Variants in MCF2L observed in about 807,000 individuals in gnomAD.
The protein encoded by MCF2L is guanine nucleotide exchange factor DBS.
A neutral mutation model predicts 153.4 loss-of-function variants in MCF2L; 97 were observed. The observed-to-expected ratio is 0.63, with a 90% CI of 0.54 to 0.75. The LOEUF (loss-of-function observed/expected upper bound fraction) is 0.75. MCF2L is among the 30% of genes least tolerant of loss of function. The pLI is 0.00. For synonymous variants in MCF2L, 659 were observed against 632.2 expected (o/e 1.04, Z -0.64); for missense variants, 1,347 against 1,495.2 (o/e 0.90, Z 1.64).
chr13:112,934,715 G>A (rs187982351), intron 2 of MCF2L, among the ~76,000 whole-genome samples: 1 of 152,332 alleles, frequency 6.6e-6, no homozygotes, highest in East Asian at 1.9e-4. Context: ...CGTGTGCTGG[G>A]GCTGTGTGCC....
chr13:113,030,737 G>A (rs775698615), intron 3 of MCF2L, among the ~76,000 whole-genome samples: 36 of 152,170 alleles, frequency 2.4e-4, no homozygotes, highest in Non-Finnish European at 4.0e-4. Context: ...AACCAACATC[G>A]GCCAGGCCTT....
chr13:112,973,370 T>C (rs2082116045), intron 1 of MCF2L, among the ~76,000 whole-genome samples: 1 of 152,222 alleles, frequency 6.6e-6, no homozygotes, highest in Non-Finnish European at 1.5e-5. Context: ...ATTAGATAGG[T>C]GTGACTATAA....
chr13:113,090,434 C>T (rs1364859323), intron 26 of MCF2L: 5 of 469,204 alleles, frequency 1.1e-5, no homozygotes, highest in Non-Finnish European at 1.1e-5. Context: ...CCTTCCTCTC[C>T]CTGCCCCCCA....
rs531412860 is a variant in MCF2L at position 113,077,961 on chromosome 13, G to A, written c.1661-402G>A. On this transcript the variant is annotated intron_variant, in intron 13 of 29. Transcript: ENST00000535094. ...TGCCTGTTGGGAGCTCTCCCAGGTC[G>A]GAGCCCACAGGCGCTGTGTCCCCGT... is the stretch of plus-strand genomic sequence containing the variant. Among the ~76,000 whole-genome samples the A allele has an allele frequency of 1.3e-3, 191 of 152,332 alleles. 1 individual carries two copies. The highest frequency in any genetic ancestry group is 4.5e-3 in the African/African-American group (186 of 41,576).
intron 2 of MCF2L, among the ~76,000 whole-genome samples, chr13:113,015,645 G>T (rs541842932): frequency 6.6e-6 from 1 of 152,224 alleles, no homozygotes; most frequent in Non-Finnish European, 1.5e-5. Context: ...TGCACCCCAG[G>T]CCGGGCCTTG....
intron 5 of MCF2L, among the ~76,000 whole-genome samples, chr13:113,061,996 C>A (rs1483710811): frequency 2.1e-5 from 3 of 145,604 alleles, no homozygotes; most frequent in Non-Finnish European, 4.5e-5. Context: ...GACCCTGGTG[C>A]CTGGCCTGGG....
At position 113,046,640 on chromosome 13, in the gene MCF2L, C is replaced by T. The variant is rs774339448; in HGVS notation, c.369+1279C>T. The stretch of plus-strand genomic sequence containing the variant: ...CTGCTCCGATGCCCACAACCTTCAT[C>T]GTTTTGGTGCAAGCCTGTCCCTGAG... On this transcript the variant is annotated intron_variant, in intron 4 of 29. Coordinates refer to ENST00000535094, the MANE Select transcript of MCF2L (RefSeq NM_001112732.3). This position sits in a 1 kb window ranked among gnomAD's most constrained non-coding sequence, Gnocchi z 4.4. 5 of 533,272 alleles carry T rather than the reference C, an allele frequency of 9.4e-6. No homozygotes were observed. The highest frequency in any genetic ancestry group is 3.8e-5 in the African/African-American group (2 of 51,954). The allele number at this position is 533,272 out of a possible 1,614,324, so 33.0% of individuals were successfully genotyped here.
At position 113,081,277 on chromosome 13, in the gene MCF2L, G is replaced by T; in HGVS notation, c.1873G>T (p.Glu625Ter). The T allele has an allele frequency of 6.3e-7, 1 of 1,585,438 alleles. No homozygotes were observed. Residue 625 changes from glutamate (E) to a stop codon, truncating the protein, a stop_gained and splice_region_variant, in exon 16 of 30, where the codon GAG becomes TAG. Transcript: ENST00000535094. LOFTEE classifies it high-confidence loss of function. ...CGTGGAGGAGCTGCTGTGCGTCCTGGAGGTGAGGCTGGACTCGGGGAGGGC... is the reference window on the plus strand; with the variant it reads ...CGTGGAGGAGCTGCTGTGCGTCCTGTAGGTGAGGCTGGACTCGGGGAGGGC... The part of the protein sequence containing the change: ...AYVEELLCVL[E>*]GYAAEMDNPL...
chr13:113,013,271 T>C (rs1379038941), intron 1 of MCF2L, among the ~76,000 whole-genome samples: 1 of 152,188 alleles, frequency 6.6e-6, no homozygotes, highest in Non-Finnish European at 1.5e-5. Flanking sequence ...AAAGAAGCCA[T>C]CGCCGAGACG....
At chr13:113,007,903 ATCTTT>A (rs2083814835) in intron 1 of MCF2L, among the ~76,000 whole-genome samples, 1 of 145,280 alleles carries the variant, frequency 6.9e-6, no homozygotes, top group Non-Finnish European at 1.5e-5. Context: ...TAGTATGTGT[ATCTTT>A]TCTTTTTCTT....
chr13:112,975,735 A>G (rs1188204928), intron 1 of MCF2L, among the ~76,000 whole-genome samples: 1 of 152,152 alleles, frequency 6.6e-6, no homozygotes, highest in Admixed American at 6.5e-5. Context: ...GTATGTGGGG[A>G]TTTTCCAGGT....
intron 1 of MCF2L, among the ~76,000 whole-genome samples, chr13:113,006,726 T>C (rs2141104531): frequency 6.6e-6 from 1 of 152,302 alleles, no homozygotes; most frequent in South Asian, 2.1e-4. Flanking sequence ...GTCTGGGCCC[T>C]GTGGAAATGC....
At chr13:112,923,860 G>T (rs750561046) in intron 2 of MCF2L, among the ~76,000 whole-genome samples, 3 of 152,032 alleles carry the variant, frequency 2.0e-5, no homozygotes, top group Non-Finnish European at 4.4e-5. Flanking sequence ...CTTTACTCTG[G>T]AGCAGCCCCT....
rs1431178895 is a variant in MCF2L, at chr13:113,078,424, C to T, written c.1722C>T (p.Tyr574=). 1 of 1,611,914 alleles carries T rather than the reference C, an allele frequency of 6.2e-7. No homozygotes were observed. The highest frequency in any genetic ancestry group is 2.2e-5 in the East Asian group (1 of 44,878). ...SEGGALRRGP[Y]RRAKSEMSES... ...GCGGTGCGCTCCGGAGAGGGCCCTA[C>T]CGGAGGGCCAAGGTGAGGCTTGCCC... Residue 574 remains tyrosine (Y), a synonymous_variant, in exon 14 of 30, where the codon TAC becomes TAT. Transcript: ENST00000535094.
In MCF2L at chr13:113,060,625, C is replaced by T. The variant is rs756815061; in HGVS notation, c.402C>T (p.Leu134=). ...ASFPANLQLV[L]VLRPTGFFQR... ...TCCCGGCAAACCTGCAGCTCGTCCTCGTGCTTCGCCCGACGGGTTTTTTCC... is the reference window on the plus strand; with the variant it reads ...TCCCGGCAAACCTGCAGCTCGTCCTTGTGCTTCGCCCGACGGGTTTTTTCC... The change falls in exon 5 of 30, where the codon CTC becomes CTT. Residue 134 remains leucine, a synonymous_variant. Transcript: ENST00000535094. 5 of 1,613,458 alleles carry T rather than the reference C, an allele frequency of 3.1e-6. No homozygotes were observed. The highest frequency in any genetic ancestry group is 1.6e-4 in the Middle Eastern group (1 of 6,080).
chr13:113,076,176 C>T lies in MCF2L; in HGVS notation c.1500+19C>T. 1 of 1,596,898 alleles carries T rather than the reference C, an allele frequency of 6.3e-7. No individual in the cohort carries two copies. Among genetic ancestry groups the T allele is most frequent in the Non-Finnish European group, 8.6e-7 (1 of 1,169,100 alleles). On this transcript the variant is annotated intron_variant, in intron 12 of 29. Transcript: ENST00000535094. ...TCTCATGGTAACGCTGACTCGGGCT[C>T]TCCATTTGCAGCTTGCTGTCCCGAG...
intron 26 of MCF2L, 23 bp from the exon 27 acceptor site, chr13:113,094,491 T>A (rs1595042649): frequency 1.9e-6 from 3 of 1,600,940 alleles, no homozygotes; most frequent in South Asian, 1.1e-5. Context: ...GGGGGGTCCC[T>A]CACGGGTGTC....
rs2082376402 is a variant in MCF2L at position 112,980,628 on chromosome 13, G to GCCACCTTCCCCTTTCCC, written c.79+11172_79+11173insACCTTCCCCTTTCCCCC. Reference sequence around the variant, plus strand: ...CATGCGCAGGAGAGCCTCTCAGGCTGCCGCCTTCCCCTTTCCCCCGCCTTC... The same window carrying GCCACCTTCCCCTTTCCC: ...CATGCGCAGGAGAGCCTCTCAGGCTGCCACCTTCCCCTTTCCCCCGCCTTCCCCTTTCCCCCGCCTTC... On this transcript the variant is annotated intron_variant, in intron 1 of 29. Coordinates refer to ENST00000535094, the MANE Select transcript of MCF2L (RefSeq NM_001112732.3). 8.0e-5 allele frequency among the ~76,000 whole-genome samples: 8 copies of GCCACCTTCCCCTTTCCC among 100,438 alleles called. 1 individual carries two copies. In the East Asian group the frequency reaches 1.1e-3, roughly 13 times the overall value. 65.9% of individuals were successfully genotyped at this position (100,438 alleles called of 152,430 possible). A position where few individuals can be genotyped will look rare whatever the true frequency, so the allele number is the denominator to read the frequency against.
At chr13:112,962,302 C>A (rs1421109577) in intron 2 of MCF2L, among the ~76,000 whole-genome samples, 1 of 152,182 alleles carries the variant, frequency 6.6e-6, no homozygotes, top group Non-Finnish European at 1.5e-5. Context: ...TGTACACACA[C>A]TCAGGCACAT....
Sources: allele counts gnomAD v4.1 joint callset (sites outside exome capture counted in the v4.1 genomes callset), GRCh38; gene constraint gnomAD v4.1.1; non-coding constraint Gnocchi (gnomAD v3.1); transcripts MANE v1.5; gene names NCBI Gene and HGNC (gene_info 2026-07-23, HGNC 2026-07-21).